GTF2F1: variants seen among roughly 807,000 people sequenced by gnomAD.
GTF2F1 encodes the protein general transcription factor IIF 74 kDa subunit.
GTF2F1 carries 39 observed loss-of-function variants against 63.5 expected under a neutral mutation model. That is an observed-to-expected ratio of 0.61 (90% CI 0.48 to 0.80). GTF2F1 has a LOEUF of 0.80. Among genes scored for constraint, GTF2F1 ranks in the 30% least tolerant of loss-of-function variants. The pLI is 0.00. For missense variants in GTF2F1, 657 were observed against 718.3 expected, an observed-to-expected ratio of 0.91 and a Z score of 0.97; for synonymous variants, 287 against 285.3, an observed-to-expected ratio of 1.01 and a Z score of -0.06.
Position 6,391,979 on chromosome 19 carries a change from A to T in GTF2F1, c.60-5T>A. The T allele has an allele frequency of 6.6e-7, 1 of 1,515,722 alleles. No individual in the cohort carries two copies. 93.9% of individuals were successfully genotyped at this position (1,515,722 alleles called of 1,614,324 possible). ...TTATATTTTTTGGTTGTATTCCTGG[A>T]GTGGATGAGAAGAGGTAGTGTCAAT... is the stretch of plus-strand genomic sequence containing the variant. On this transcript the variant is annotated splice_region_variant and splice_polypyrimidine_tract_variant and intron_variant, in intron 2 of 12. Coordinates refer to ENST00000394456, the MANE Select transcript of GTF2F1 (RefSeq NM_002096.3).
At position 6,381,822 on chromosome 19, in the gene GTF2F1, C is replaced by A; in HGVS notation, c.711G>T (p.Lys237Asn). 1 of 1,613,532 alleles carries A rather than the reference C, an allele frequency of 6.2e-7. No homozygotes were observed. ...TCCTGCCGCCCTTGGCCAGCGGCGC[C>A]TTCTTCTTGGCCTTGGGGACTCTGC... is the stretch of plus-strand genomic sequence containing the variant. ...EGGRVPKAKK[K>N]APLAKGGRKK... The change falls in exon 7 of 13, where the codon AAG becomes AAT. Residue 237 changes from lysine to asparagine, a missense_variant. Physicochemically the swap from Lys to Asn is moderately conservative, Grantham distance 94. Around this residue, in one of 2 missense-constraint regions of GTF2F1, gnomAD observed 602 missense variants for 625.6 expected, o/e 0.96. Coordinates refer to ENST00000394456, the MANE Select transcript of GTF2F1 (RefSeq NM_002096.3). The surrounding 1 kb of genome is among the most constrained non-coding windows in gnomAD (Gnocchi z 4.1).
At position 6,383,118 on chromosome 19, in the gene GTF2F1, T is replaced by C. The variant is rs570805040; in HGVS notation, c.682+193A>G. Among the ~76,000 whole-genome samples, 8 of 152,308 alleles carry C rather than the reference T, an allele frequency of 5.3e-5. 1 individual carries two copies. In the South Asian group the frequency reaches 1.4e-3, roughly 28 times the overall value. ...GGTCTCACTGTGTTGGCCAGGCTGG[T>C]CTCAAACTCCTGATCTCAGGTGATC... On this transcript the variant is annotated intron_variant, in intron 6 of 12. Transcript: ENST00000394456. The surrounding 1 kb of genome is among the most constrained non-coding windows in gnomAD (Gnocchi z 4.5).
At position 6,381,652 on chromosome 19, in the gene GTF2F1, C is replaced by T. The variant is rs112970874; in HGVS notation, c.837-37G>A. ...GGATGGCAAAGGATGAGCGCGCGCTCGCGAGGCTGCATGGGGTCTCGCAGG... is the reference window on the plus strand; with the variant it reads ...GGATGGCAAAGGATGAGCGCGCGCTTGCGAGGCTGCATGGGGTCTCGCAGG... On this transcript the variant is annotated intron_variant, in intron 7 of 12. Coordinates refer to ENST00000394456, the MANE Select transcript of GTF2F1 (RefSeq NM_002096.3). The surrounding 1 kb of genome is among the most constrained non-coding windows in gnomAD (Gnocchi z 4.1). 1.2e-3 allele frequency: 2,004 copies of T among 1,614,000 alleles called. 22 individuals carry two copies. In the African/African-American group the frequency reaches 0.023, roughly 19 times the overall value.
At position 6,384,102 on chromosome 19, in the gene GTF2F1, G is replaced by A. The variant is rs2091965511; in HGVS notation, c.498-607C>T. Among the ~76,000 whole-genome samples the A allele has an allele frequency of 3.3e-5, 5 of 151,500 alleles. No homozygotes were observed. In the South Asian group the frequency reaches 8.4e-4, roughly 26 times the overall value. On this transcript the variant is annotated intron_variant, in intron 5 of 12. Coordinates refer to ENST00000394456, the MANE Select transcript of GTF2F1 (RefSeq NM_002096.3). ...AGGTGTGAGCCACCGTGCCCAGCCA[G>A]ATCTTTTGTTATCTTAATTTATAGA...
At chr19:6,392,245 G>T (rs1262281427) in intron 2 of GTF2F1, 1 of 522,818 alleles carries the variant, frequency 1.9e-6, no homozygotes, top group Non-Finnish European at 3.7e-6. Context: ...ACTGGATACG[G>T]AAGACTCCAA....
At chr19:6,387,913 A>G (rs2091979961) in intron 4 of GTF2F1, among the ~76,000 whole-genome samples, 1 of 150,100 alleles carries the variant, frequency 6.7e-6, no homozygotes, top group Admixed American at 6.7e-5. Context: ...AAGTGAGAAG[A>G]TGGGGCGGGA....
rs541438215 is a variant in GTF2F1 at position 6,381,368 on chromosome 19, G to C, written c.1009C>G (p.Arg337Gly). The change falls in exon 9 of 13, where the codon CGC becomes GGC. Residue 337 changes from arginine to glycine, a missense_variant. Arg to Gly is a moderately radical substitution (Grantham distance 125, BLOSUM62 -2). Coordinates refer to ENST00000394456, the MANE Select transcript of GTF2F1 (RefSeq NM_002096.3). This position sits in a 1 kb window ranked among gnomAD's most constrained non-coding sequence, Gnocchi z 4.1. ...KKAPTPQEKK[R>G]RKDSSEESDS... ...GCCACATGCGCCGCACCTTTCCTGC[G>C]CTTCTTCTCCTGCGGGGTGGGTGCC... 6.2e-7 allele frequency: 1 copy of C among 1,602,066 alleles called. No homozygotes were observed. Among genetic ancestry groups the C allele is most frequent in the African/African-American group, 1.3e-5 (1 of 74,658 alleles).
chr19:6,389,440 T>A lies in GTF2F1; in HGVS notation c.326+4A>T. 6.2e-7 allele frequency: 1 copy of A among 1,612,784 alleles called. No homozygotes were observed. The highest frequency in any genetic ancestry group is 2.2e-5 in the East Asian group (1 of 44,816). On this transcript the variant is annotated splice_donor_region_variant and intron_variant, in intron 4 of 12. Transcript: ENST00000394456. Reference sequence around the variant, plus strand: ...GCCGGCACCGCCACCGCCCCACCACTTACTTCCTGCCTGATTTGCCGTTGA... The same window carrying A: ...GCCGGCACCGCCACCGCCCCACCACATACTTCCTGCCTGATTTGCCGTTGA...
At position 6,380,761 on chromosome 19, in the gene GTF2F1, G is replaced by A; in HGVS notation, c.1232-71C>T. ...ACCCCTGGGCAGGACCCCAGGCTGG[G>A]CAGTGCCAGGATTAGGGTTCAAGGG... On this transcript the variant is annotated intron_variant, in intron 11 of 12. Coordinates refer to ENST00000394456, the MANE Select transcript of GTF2F1 (RefSeq NM_002096.3). This position sits in a 1 kb window ranked among gnomAD's most constrained non-coding sequence, Gnocchi z 5.3. 3.2e-6 allele frequency: 5 copies of A among 1,564,286 alleles called. No individual in the cohort carries two copies. The highest frequency in any genetic ancestry group is 4.3e-6 in the Non-Finnish European group (5 of 1,149,468).
chr19:6,389,462 T>C lies in GTF2F1; in HGVS notation c.308A>G (p.Asn103Ser), dbSNP rs201622118. 2 of 1,613,938 alleles carry C rather than the reference T, an allele frequency of 1.2e-6. No homozygotes were observed. Among genetic ancestry groups the C allele is most frequent in the East Asian group, 2.2e-5 (1 of 44,868 alleles). ...CACTTACTTCCTGCCTGATTTGCCGTTGACCCGGAGCAGCCAGGGCTGGTC... is the reference window on the plus strand; with the variant it reads ...CACTTACTTCCTGCCTGATTTGCCGCTGACCCGGAGCAGCCAGGGCTGGTC... ...PEDQPWLLRV[N>S]GKSGRKFKGI... The change falls in exon 4 of 13, where the codon AAC becomes AGC. Residue 103 changes from asparagine (N) to serine (S), a missense_variant. This residue lies in a region of GTF2F1 where 602 missense variants were observed against 625.6 expected (regional missense o/e 0.96). Coordinates refer to ENST00000394456, the MANE Select transcript of GTF2F1 (RefSeq NM_002096.3).
At position 6,380,265 on chromosome 19, in the gene GTF2F1, T is replaced by C; in HGVS notation, c.*16A>G. On this transcript the variant is annotated 3_prime_UTR_variant, in exon 13 of 13. Coordinates refer to ENST00000394456, the MANE Select transcript of GTF2F1 (RefSeq NM_002096.3). This position sits in a 1 kb window ranked among gnomAD's most constrained non-coding sequence, Gnocchi z 5.3. ...CCTTAAGTTCTGGGGGGCAGAGCCA[T>C]GTATTGGACCAAGCCTCACTCCTTG... The C allele has an allele frequency of 1.2e-6, 2 of 1,605,540 alleles. No individual in the cohort carries two copies. Among genetic ancestry groups the C allele is most frequent in the Middle Eastern group, 1.7e-4 (1 of 6,054 alleles).
intron 6 of GTF2F1, among the ~76,000 whole-genome samples, chr19:6,382,245 C>CT (rs368585444): frequency 0.011 from 1,601 of 152,298 alleles, 33 homozygotes; most frequent in African/African-American, 0.036. Flanking sequence ...CATCCCAGCA[C>CT]TTTGGCAGGC....
Position 6,381,942 on chromosome 19 carries a change from A to C in GTF2F1, c.683-92T>G. The C allele has an allele frequency of 9.2e-7, 1 of 1,089,822 alleles. No homozygotes were observed. The highest frequency in any genetic ancestry group is 1.3e-6 in the Non-Finnish European group (1 of 752,194). 67.5% of individuals were successfully genotyped at this position (1,089,822 alleles called of 1,614,324 possible). On this transcript the variant is annotated intron_variant, in intron 6 of 12. Coordinates refer to ENST00000394456, the MANE Select transcript of GTF2F1 (RefSeq NM_002096.3). This position sits in a 1 kb window ranked among gnomAD's most constrained non-coding sequence, Gnocchi z 4.1. ...TTTTCACATTTTGTGCAGTTTTGACATCCTGGGGGGCCTCACTGACTGGGG... is the reference window on the plus strand; with the variant it reads ...TTTTCACATTTTGTGCAGTTTTGACCTCCTGGGGGGCCTCACTGACTGGGG...
intron 2 of GTF2F1, 44 bp downstream of exon 2, chr19:6,392,813 T>G: frequency 2.5e-6 from 4 of 1,569,636 alleles, no homozygotes; most frequent in Non-Finnish European, 3.5e-6. Flanking sequence ...AGGTTTTCAT[T>G]TTTGGGGGGT....
chr19:6,389,468 C>T lies in GTF2F1; in HGVS notation c.302G>A (p.Arg101Gln), dbSNP rs531279560. The part of the protein sequence containing the change: ...FRPEDQPWLL[R>Q]VNGKSGRKFK... ...CTTCCTGCCTGATTTGCCGTTGACC[C>T]GGAGCAGCCAGGGCTGGTCCTCGGG... is the stretch of plus-strand genomic sequence containing the variant. The change falls in exon 4 of 13, where the codon CGG (arginine) becomes CAG (glutamine). Residue 101 changes from arginine (R) to glutamine (Q), a missense_variant. Transcript: ENST00000394456. 112 of 1,613,852 alleles carry T rather than the reference C, an allele frequency of 6.9e-5. No homozygotes were observed. Among genetic ancestry groups the T allele is most frequent in the Non-Finnish European group, 9.1e-5 (107 of 1,179,924 alleles).
chr19:6,389,729 G>A (rs2091989376), intron 3 of GTF2F1, 92 bp from the exon 4 acceptor site: 1 of 1,172,852 alleles, frequency 8.5e-7, no homozygotes, highest in Non-Finnish European at 1.2e-6. Flanking sequence ...CCTAGGCCAA[G>A]CTCTAGATTC....
In GTF2F1 at chr19:6,380,277, A is replaced by T. The variant is rs1244545436; in HGVS notation, c.*4T>A. On this transcript the variant is annotated 3_prime_UTR_variant, in exon 13 of 13. Coordinates refer to ENST00000394456, the MANE Select transcript of GTF2F1 (RefSeq NM_002096.3). The surrounding 1 kb of genome is among the most constrained non-coding windows in gnomAD (Gnocchi z 5.3). ...GGGGGCAGAGCCATGTATTGGACCA[A>T]GCCTCACTCCTTGAGGGAGAAGTGC... 6.2e-7 allele frequency: 1 copy of T among 1,612,454 alleles called. No homozygotes were observed. The highest frequency in any genetic ancestry group is 8.5e-7 in the Non-Finnish European group (1 of 1,178,566).
chr19:6,392,413 G>A (rs1459405599), intron 2 of GTF2F1: 1 of 484,232 alleles, frequency 2.1e-6, no homozygotes, highest in Non-Finnish European at 4.1e-6. Flanking sequence ...AGTATTTCCT[G>A]GAGGAGGAAG....
chr19:6,383,374 T>C lies in GTF2F1; in HGVS notation c.619A>G (p.Ile207Val). The change falls in exon 6 of 13, where the codon ATC becomes GTC. Residue 207 changes from isoleucine (I) to valine (V), a missense_variant. By Grantham distance (29) the Ile-to-Val change is conservative (BLOSUM62 3). Around this residue, in one of 2 missense-constraint regions of GTF2F1, gnomAD observed 602 missense variants for 625.6 expected, o/e 0.96. Transcript: ENST00000394456. The surrounding 1 kb of genome is among the most constrained non-coding windows in gnomAD (Gnocchi z 4.5). Reference sequence around the variant, plus strand: ...TCCAGGTCGTCCTCCAGGTCGTGGATGCGCAGCTCGCTCGCCTTCCTGCGG... The same window carrying C: ...TCCAGGTCGTCCTCCAGGTCGTGGACGCGCAGCTCGCTCGCCTTCCTGCGG... ...RGRRKASELR[I>V]HDLEDDLEMS... The C allele has an allele frequency of 1.2e-6, 2 of 1,614,238 alleles. No homozygotes were observed. The highest frequency in any genetic ancestry group is 1.7e-6 in the Non-Finnish European group (2 of 1,180,048).
Sources: allele counts gnomAD v4.1 joint callset (sites outside exome capture counted in the v4.1 genomes callset), GRCh38; gene constraint gnomAD v4.1.1; regional missense constraint gnomAD v4.1.1; non-coding constraint Gnocchi (gnomAD v3.1); transcripts MANE v1.5; gene names NCBI Gene and HGNC (gene_info 2026-07-23, HGNC 2026-07-21).